The following CSMD1 variants were observed in gnomAD, a reference collection of about 807,000 sequenced individuals.
CSMD1 encodes CUB and sushi domain-containing protein 1.
Under a neutral mutation model 417.5 loss-of-function variants are expected in CSMD1, and 213 were observed. The observed-to-expected ratio is 0.51, with a 90% CI of 0.46 to 0.57. The LOEUF is 0.57. Among genes scored for constraint, CSMD1 ranks in the 20% least tolerant of loss-of-function variants. CSMD1 has a pLI of 0.00. For missense variants in CSMD1, 6,923 were observed against 4,529.7 expected (o/e 1.53, Z -15.17); for synonymous variants, 2,862 against 1,736.8 (o/e 1.65, Z -16.11).
At chr8:4,066,877 C>G (rs750213823) in intron 3 of CSMD1, among the ~76,000 whole-genome samples, 7 of 152,182 alleles carry the variant, frequency 4.6e-5, no homozygotes, top group African/African-American at 1.2e-4. Flanking sequence ...TTAACACAGC[C>G]TCACAGAACA....
chr8:3,300,974 AAAAAAAAG>A (rs1804352059), intron 25 of CSMD1, among the ~76,000 whole-genome samples: 1 of 149,390 alleles, frequency 6.7e-6, no homozygotes, highest in Admixed American at 6.7e-5. Flanking sequence ...AAAAAAAAAA[AAAAAAAAG>A]AGAAAGAAAA....
chr8:4,773,851 C>T (rs1796715969), intron 1 of CSMD1, among the ~76,000 whole-genome samples: 1 of 152,154 alleles, frequency 6.6e-6, no homozygotes, highest in African/African-American at 2.4e-5. Context: ...GTGTGAATTA[C>T]TTTTGAAACT....
intron 3 of CSMD1, among the ~76,000 whole-genome samples, chr8:4,098,599 A>G (rs974188932): frequency 8.5e-5 from 13 of 152,056 alleles, no homozygotes; most frequent in Admixed American, 5.9e-4. Flanking sequence ...CACCCTCTCT[A>G]AGGTTCAAAT....
rs111675175 is a variant in CSMD1 at position 3,228,056 on chromosome 8, C to G, written c.4345+1984G>C. On this transcript the variant is annotated intron_variant, in intron 27 of 69. Transcript: ENST00000635120. ...GTGCTGGGATTACAGGTGTGAGCCA[C>G]CACACCCAGACTAAAACATTTTAAA... Among the ~76,000 whole-genome samples the G allele has an allele frequency of 2.5e-3, 379 of 152,154 alleles. 1 individual carries two copies. The highest frequency in any genetic ancestry group is 8.7e-3 in the African/African-American group (361 of 41,500).
intron 3 of CSMD1, among the ~76,000 whole-genome samples, chr8:4,415,980 A>G (rs1353899804): frequency 3.3e-5 from 5 of 152,202 alleles, no homozygotes; most frequent in African/African-American, 4.8e-5. Flanking sequence ...AAAGTACTGC[A>G]GTTAACTACT....
chr8:3,255,040 T>C (rs1800548900), intron 26 of CSMD1, among the ~76,000 whole-genome samples: 1 of 152,184 alleles, frequency 6.6e-6, no homozygotes, highest in African/African-American at 2.4e-5. Flanking sequence ...GATGTACAGA[T>C]GGGGTTTTGG....
intron 3 of CSMD1, among the ~76,000 whole-genome samples, chr8:4,305,566 G>T (rs922315191): frequency 1.3e-5 from 2 of 152,116 alleles, no homozygotes; most frequent in Non-Finnish European, 2.9e-5. Context: ...GGAATAACAG[G>T]AAAGAATGAA....
At chr8:4,066,112 C>T (rs1170055559) in intron 3 of CSMD1, among the ~76,000 whole-genome samples, 2 of 152,164 alleles carry the variant, frequency 1.3e-5, no homozygotes, top group Non-Finnish European at 2.9e-5. Flanking sequence ...AGCTTCCCCT[C>T]CTGAGCCTTT....
rs188905340 is a variant in CSMD1, at chr8:3,772,555, A to G, written c.819-18513T>C. Reference sequence around the variant, plus strand: ...TATACATATATACACATATATACATATATACATATATATACATATATACAC... The same window carrying G: ...TATACATATATACACATATATACATGTATACATATATATACATATATACAC... On this transcript the variant is annotated intron_variant, in intron 5 of 69. Coordinates refer to ENST00000635120, the MANE Select transcript of CSMD1 (RefSeq NM_033225.6). Among the ~76,000 whole-genome samples, 194 of 84,948 alleles carry G rather than the reference A, an allele frequency of 2.3e-3. 18 individuals carry two copies. The highest frequency in any genetic ancestry group is 0.01 in the African/African-American group (158 of 15,596). The allele number at this position is 84,948 out of a possible 152,430, so 55.7% of individuals were successfully genotyped here.
At chr8:4,180,281 T>C (rs2680621) in intron 3 of CSMD1, among the ~76,000 whole-genome samples, 32,175 of 151,730 alleles carry the variant, frequency 0.21, 3,554 homozygotes, top group East Asian at 0.35. Flanking sequence ...TTTGTAGGGA[T>C]ATGGATGACA....
chr8:3,093,294 G>C (rs1004704974), intron 47 of CSMD1, among the ~76,000 whole-genome samples: 1 of 152,166 alleles, frequency 6.6e-6, no homozygotes, highest in African/African-American at 2.4e-5. Flanking sequence ...TGCAAGCCTG[G>C]GAGGGAGGCT....
intron 4 of CSMD1, among the ~76,000 whole-genome samples, chr8:4,008,457 T>C (rs1371375129): frequency 6.6e-6 from 1 of 151,870 alleles, no homozygotes; most frequent in African/African-American, 2.4e-5. Context: ...CAGAATTAAA[T>C]AAATGCTATT....
intron 3 of CSMD1, among the ~76,000 whole-genome samples, chr8:4,366,523 A>C (rs1298458069): frequency 4.6e-5 from 7 of 152,134 alleles, no homozygotes; most frequent in Non-Finnish European, 8.8e-5. Flanking sequence ...CAGTAGCTTA[A>C]TTAATTTGCA....
In CSMD1 at chr8:3,525,809, A is replaced by G. The variant is rs935719920; in HGVS notation, c.1345-32083T>C. ...AATAGAAACTTGGTTGCTTACCACT[A>G]AGTTGACACACGGAAAAAATCAATA... is the stretch of plus-strand genomic sequence containing the variant. On this transcript the variant is annotated intron_variant, in intron 10 of 69. Transcript: ENST00000635120. Among the ~76,000 whole-genome samples the G allele has an allele frequency of 9.2e-5, 14 of 152,262 alleles. No homozygotes were observed. The South Asian group carries it at 2.9e-3, about 32-fold the overall frequency.
intron 1 of CSMD1, among the ~76,000 whole-genome samples, chr8:4,736,512 T>C (rs1303144037): frequency 2.6e-5 from 4 of 152,098 alleles, no homozygotes; most frequent in East Asian, 3.9e-4. Flanking sequence ...TACTCAAGCA[T>C]ACACTGCGGC....
At chr8:3,728,515 T>C (rs1802628682) in intron 6 of CSMD1, among the ~76,000 whole-genome samples, 1 of 152,334 alleles carries the variant, frequency 6.6e-6, no homozygotes, top group South Asian at 2.1e-4. Flanking sequence ...AACTTAGCAC[T>C]TTTCTTTCAA....
At chr8:4,366,603 C>G (rs1463828289) in intron 3 of CSMD1, among the ~76,000 whole-genome samples, 1 of 151,748 alleles carries the variant, frequency 6.6e-6, no homozygotes, top group Non-Finnish European at 1.5e-5. Context: ...GTTTTTTTTG[C>G]TTTTTATTAA....
intron 5 of CSMD1, among the ~76,000 whole-genome samples, chr8:3,834,088 C>G (rs1299300313): frequency 6.6e-6 from 1 of 152,082 alleles, no homozygotes; most frequent in East Asian, 1.9e-4. Flanking sequence ...CTTTGATTTC[C>G]TTTCTTAAAA....
chr8:3,932,976 A>C (rs1005870842), intron 5 of CSMD1, among the ~76,000 whole-genome samples: 4 of 150,062 alleles, frequency 2.7e-5, no homozygotes, highest in African/African-American at 9.8e-5. Flanking sequence ...TTGCTTTCTA[A>C]TATCCTGAAA....
Sources: allele counts gnomAD v4.1 joint callset (sites outside exome capture counted in the v4.1 genomes callset), GRCh38; gene constraint gnomAD v4.1.1; transcripts MANE v1.5; gene names NCBI Gene and HGNC (gene_info 2026-07-23, HGNC 2026-07-21).